POR: variants seen among roughly 807,000 people sequenced by gnomAD.
The protein encoded by POR is cytochrome p450 oxidoreductase, also known as NADPH--cytochrome P450 reductase.
POR carries 56 observed loss-of-function variants against 84.0 expected under a neutral mutation model. The observed-to-expected ratio is 0.67, with a 90% CI of 0.54 to 0.83. The LOEUF is 0.83. Among genes scored for constraint, POR ranks in the 40% least tolerant of loss-of-function variants. The probability of loss-of-function intolerance (pLI) is 0.00; values close to 1 mark genes in which losing one functional copy is unlikely to be tolerated. For missense variants in POR, 938 were observed against 944.3 expected, an observed-to-expected ratio of 0.99 and a Z score of 0.09; for synonymous variants, 414 against 400.5, an observed-to-expected ratio of 1.03 and a Z score of -0.40.
chr7:75,967,297 T>C (rs1035700607), intron 2 of POR, among the ~76,000 whole-genome samples: 4 of 152,246 alleles, frequency 2.6e-5, no homozygotes, highest in Admixed American at 6.5e-5. Context: ...GGATGGGCTG[T>C]TTGCACTCGG....
intron 2 of POR, among the ~76,000 whole-genome samples, chr7:75,956,293 AAAAACAAAAC>A (rs1205625387): frequency 6.6e-6 from 1 of 152,262 alleles, no homozygotes; most frequent in African/African-American, 2.4e-5. Context: ...AGTCCGTCTC[AAAAACAAAAC>A]AAAACAAAAC....
intron 1 of POR, among the ~76,000 whole-genome samples, chr7:75,928,165 T>C (rs1161924342): frequency 2.6e-5 from 4 of 152,128 alleles, no homozygotes; most frequent in Non-Finnish European, 2.9e-5. Flanking sequence ...GAGATAGGGT[T>C]TCACTATGTT....
intron 1 of POR, among the ~76,000 whole-genome samples, chr7:75,943,058 T>C (rs1787009830): frequency 6.6e-6 from 1 of 151,926 alleles, no homozygotes; most frequent in Admixed American, 6.6e-5. Flanking sequence ...TTCAAGTGTT[T>C]CTTCTGCCTC....
Position 75,985,953 on chromosome 7 carries a change from A to G in POR, c.1700A>G (p.Tyr567Cys), listed in dbSNP as rs1554559260. The G allele has an allele frequency of 6.3e-7, 1 of 1,588,780 alleles. No homozygotes were observed. Among genetic ancestry groups the G allele is most frequent in the African/African-American group, 1.3e-5 (1 of 74,684 alleles). Residue 567 changes from tyrosine (Y) to cysteine (C), a missense_variant, in exon 14 of 16, where the codon TAC becomes TGC. Transcript: ENST00000461988. ...GAGGTGGGGGAGACGCTGCTGTACT[A>G]CGGCTGCCGCCGCTCGGATGAGGAC... is the stretch of plus-strand genomic sequence containing the variant.
chr7:75,981,714 C>G (rs1789057037), intron 7 of POR, 108 bp downstream of exon 7: 8 of 918,944 alleles, frequency 8.7e-6, no homozygotes, highest in Admixed American at 4.9e-5. Context: ...TTAGAAGACA[C>G]TCCGTCATAG....
intron 3 of POR, among the ~76,000 whole-genome samples, chr7:75,975,495 T>G (rs782473251): frequency 1.4e-4 from 21 of 152,080 alleles, no homozygotes; most frequent in Non-Finnish European, 2.2e-4. Context: ...GAAAAATTAG[T>G]GGGACACAGT....
intron 1 of POR, among the ~76,000 whole-genome samples, chr7:75,948,055 C>G (rs912871986): frequency 3.9e-5 from 6 of 152,166 alleles, no homozygotes; most frequent in African/African-American, 1.4e-4. Flanking sequence ...GCCTGAGATG[C>G]TGTTCTTCCC....
In POR at chr7:75,981,618, C is replaced by A. The variant is rs781909708; in HGVS notation, c.731+12C>A. The A allele has an allele frequency of 1.2e-6, 2 of 1,609,786 alleles. No homozygotes were observed. Among genetic ancestry groups the A allele is most frequent in the South Asian group, 1.1e-5 (1 of 90,522 alleles). On this transcript the variant is annotated intron_variant, in intron 7 of 15. Coordinates refer to ENST00000461988, the MANE Select transcript of POR (RefSeq NM_000941.3). ...GGCGAGGAGTCCAGGTGAGCAAGTG[C>A]CCGCAGGTGCGGTGGGTGGCCTGGG...
intron 1 of POR, among the ~76,000 whole-genome samples, chr7:75,923,685 C>G (rs1554549119): frequency 6.6e-6 from 1 of 151,926 alleles, no homozygotes; most frequent in African/African-American, 2.4e-5. Context: ...GTCGGGAGTT[C>G]GAAACCAGCC....
chr7:75,932,349 T>G lies in POR; in HGVS notation c.-5+17170T>G, dbSNP rs540515942. Reference sequence around the variant, plus strand: ...GTGTGCACCAACACGCCCAGCTAATTGTTGTATTGTTTTATAGAAACAGGG... The same window carrying G: ...GTGTGCACCAACACGCCCAGCTAATGGTTGTATTGTTTTATAGAAACAGGG... On this transcript the variant is annotated intron_variant, in intron 1 of 15. Transcript: ENST00000461988. Among the ~76,000 whole-genome samples, 8 of 152,050 alleles carry G rather than the reference T, an allele frequency of 5.3e-5. No homozygotes were observed. The South Asian group carries it at 1.2e-3, about 24-fold the overall frequency.
At position 75,980,395 on chromosome 7, in the gene POR, C is replaced by A. The variant is rs1376284445; in HGVS notation, c.423C>A (p.Ala141=). 6.2e-7 allele frequency: 1 copy of A among 1,613,324 alleles called. No homozygotes were observed. The highest frequency in any genetic ancestry group is 8.5e-7 in the Non-Finnish European group (1 of 1,179,878). Reference sequence around the variant, plus strand: ...ACGCCCTGGTGGTTTTCTGCATGGCCACCTACGGTGAGGGAGACCCCACCG... The same window carrying A: ...ACGCCCTGGTGGTTTTCTGCATGGCAACCTACGGTGAGGGAGACCCCACCG... The change falls in exon 5 of 16, where the codon GCC becomes GCA. Residue 141 remains alanine (A), a synonymous_variant. Coordinates refer to ENST00000461988, the MANE Select transcript of POR (RefSeq NM_000941.3).
chr7:75,984,200 G>T (rs1233399164), intron 10 of POR, among the ~76,000 whole-genome samples: 1 of 152,206 alleles, frequency 6.6e-6, no homozygotes, highest in Non-Finnish European at 1.5e-5. Context: ...CCGGCCTGGG[G>T]CTGCCCCCAC....
At chr7:75,929,287 C>T (rs1272439641) in intron 1 of POR, among the ~76,000 whole-genome samples, 4 of 152,074 alleles carry the variant, frequency 2.6e-5, no homozygotes, top group African/African-American at 9.6e-5. Flanking sequence ...TTTTTGAGAC[C>T]GAGTCTGGCT....
intron 1 of POR, among the ~76,000 whole-genome samples, chr7:75,938,452 G>T (rs576467854): frequency 6.6e-6 from 1 of 152,260 alleles, no homozygotes; most frequent in East Asian, 1.9e-4. Context: ...GCACTCATCT[G>T]GGTGTCTCTT....
At chr7:75,957,107 G>A (rs184194714) in intron 2 of POR, among the ~76,000 whole-genome samples, 43 of 152,330 alleles carry the variant, frequency 2.8e-4, no homozygotes, top group Admixed American at 2.3e-3. Flanking sequence ...AGCGCCGTGC[G>A]TTAGGTAGCG....
chr7:75,935,147 C>T (rs1807603518), intron 1 of POR, among the ~76,000 whole-genome samples: 1 of 152,166 alleles, frequency 6.6e-6, no homozygotes, highest in African/African-American at 2.4e-5. Context: ...CTGCCCAGGA[C>T]CTTGGGAGCC....
At chr7:75,972,351 C>T in intron 2 of POR, 62 bp from the exon 3 acceptor site, 2 of 1,453,456 alleles carry the variant, frequency 1.4e-6, no homozygotes, top group Non-Finnish European at 1.9e-6. Context: ...CACCCACGTC[C>T]CGTGACACCT....
At chr7:75,936,567 A>G (rs79136901) in intron 1 of POR, among the ~76,000 whole-genome samples, 318 of 152,054 alleles carry the variant, frequency 2.1e-3, no homozygotes, top group African/African-American at 7.3e-3. Flanking sequence ...GGCCCATCCT[A>G]TTCTCATTTC....
At chr7:75,967,790 G>A in intron 2 of POR, 2 of 333,144 alleles carry the variant, frequency 6.0e-6, no homozygotes, top group Non-Finnish European at 1.2e-5. Context: ...CCCGGTGCAG[G>A]GACTCATGGG....
Sources: gnomAD v4.1 joint callset for allele counts (sites outside exome capture counted in the v4.1 genomes callset) on GRCh38, gnomAD v4.1.1 for gene constraint, MANE v1.5 for transcripts, NCBI Gene and HGNC (gene_info 2026-07-23, HGNC 2026-07-21) for gene names.